Variants in GALNT5 observed in about 807,000 individuals in gnomAD.
GALNT5 encodes UDP-GalNAc:polypeptide N-acetylgalactosaminyltransferase 5.
A neutral mutation model predicts 85.4 loss-of-function variants in GALNT5; 72 were observed. That is an observed-to-expected ratio of 0.84 (90% confidence interval 0.70 to 1.03). The LOEUF is 1.03. Among genes scored for constraint, GALNT5 ranks in the 50% least tolerant of loss-of-function variants. The probability of loss-of-function intolerance (pLI) is 0.00; values close to 1 mark genes in which losing one functional copy is unlikely to be tolerated. For missense variants in GALNT5, 1,137 were observed against 1,135.5 expected (o/e 1.00, Z -0.02); for synonymous variants, 404 against 397.0 (o/e 1.02, Z -0.21).
intron 7 of GALNT5, among the ~76,000 whole-genome samples, chr2:157,301,308 A>G (rs1683337449): frequency 6.6e-6 from 1 of 152,208 alleles, no homozygotes; most frequent in African/African-American, 2.4e-5. Context: ...ATTTGGGTAG[A>G]GAAGAAAGAT....
chr2:157,290,031 C>T (rs950681787), intron 3 of GALNT5, among the ~76,000 whole-genome samples: 1 of 149,834 alleles, frequency 6.7e-6, no homozygotes, highest in African/African-American at 2.5e-5. Context: ...CAAGATCACA[C>T]CACTGCACTC....
chr2:157,305,173 G>A (rs897515830), intron 7 of GALNT5, among the ~76,000 whole-genome samples: 9 of 152,266 alleles, frequency 5.9e-5, no homozygotes, highest in Middle Eastern at 3.4e-3. Context: ...AAACCTGGGG[G>A]CCTGCCAGAA....
At chr2:157,270,469 G>T (rs941735529) in intron 1 of GALNT5, among the ~76,000 whole-genome samples, 6 of 152,114 alleles carry the variant, frequency 3.9e-5, no homozygotes. Context: ...TACATTAACA[G>T]ATAACCCTTC....
Position 157,284,382 on chromosome 2 carries a change from G to A in GALNT5, c.1555G>A (p.Val519Ile). Residue 519 changes from valine to isoleucine, a missense_variant, in exon 2 of 10, where the codon GTC becomes ATC. Coordinates refer to ENST00000259056, the MANE Select transcript of GALNT5 (RefSeq NM_014568.3). ...WSTLLRSVHS[V>I]INRSPPHLIK... Reference sequence around the variant, plus strand: ...CACTCTCCTGAGATCTGTTCACAGTGTCATCAATCGCTCTCCTCCACACCT... The same window carrying A: ...CACTCTCCTGAGATCTGTTCACAGTATCATCAATCGCTCTCCTCCACACCT... 6.2e-7 allele frequency: 1 copy of A among 1,613,880 alleles called. No individual in the cohort carries two copies. Among genetic ancestry groups the A allele is most frequent in the Non-Finnish European group, 8.5e-7 (1 of 1,179,780 alleles).
chr2:157,278,628 A>T (rs1682789990), intron 1 of GALNT5, among the ~76,000 whole-genome samples: 1 of 152,236 alleles, frequency 6.6e-6, no homozygotes, highest in Non-Finnish European at 1.5e-5. Flanking sequence ...TTGTGCATGC[A>T]TCACGAAGTT....
intron 1 of GALNT5, among the ~76,000 whole-genome samples, chr2:157,267,079 C>T (rs921413060): frequency 1.3e-5 from 2 of 151,984 alleles, no homozygotes; most frequent in South Asian, 2.1e-4. Context: ...AATGTGATGC[C>T]GAAACACAGG....
chr2:157,262,761 G>A (rs930583794), intron 1 of GALNT5, among the ~76,000 whole-genome samples: 5 of 144,822 alleles, frequency 3.5e-5, no homozygotes, highest in South Asian at 2.2e-4. Flanking sequence ...TTTTCACTCC[G>A]TTTTCTCTGG....
chr2:157,290,341 C>T (rs1176743644), intron 3 of GALNT5, among the ~76,000 whole-genome samples: 1 of 151,972 alleles, frequency 6.6e-6, no homozygotes, highest in Non-Finnish European at 1.5e-5. Context: ...AAAGGTTTGT[C>T]TCGATGTATC....
rs1683616322 is a variant in GALNT5, at chr2:157,313,270, T to C, written c.*1922T>C. 6.6e-6 allele frequency: 1 copy of C among 152,210 alleles called. No homozygotes were observed. The highest frequency in any genetic ancestry group is 2.4e-5 in the African/African-American group (1 of 41,448). The allele number at this position is 152,210 out of a possible 1,614,324, so 9.4% of individuals were successfully genotyped here. A position where few individuals can be genotyped will look rare whatever the true frequency, so the allele number is the denominator to read the frequency against. On this transcript the variant is annotated 3_prime_UTR_variant, in exon 10 of 10. Coordinates refer to ENST00000259056, the MANE Select transcript of GALNT5 (RefSeq NM_014568.3). ...TGTTACAATAGCCTACAGTGTTCAA[T>C]ACAGTAACATGCACAAGTTTGTAAC... is the stretch of plus-strand genomic sequence containing the variant.
chr2:157,305,900 A>G (rs746410929), intron 8 of GALNT5, 71 bp downstream of exon 8: 43 of 832,204 alleles, frequency 5.2e-5, no homozygotes, highest in Non-Finnish European at 8.0e-5. Flanking sequence ...TGCTCAACTG[A>G]GAAATTCATC....
chr2:157,286,158 T>C, intron 3 of GALNT5, 24 bp downstream of exon 3: 2 of 1,589,388 alleles, frequency 1.3e-6, no homozygotes, highest in Non-Finnish European at 1.7e-6. Context: ...CATTTTTTTG[T>C]TTGTTACATT....
chr2:157,296,440 A>C lies in GALNT5; in HGVS notation c.1924A>C (p.Met642Leu), dbSNP rs1471405635. Reference sequence around the variant, plus strand: ...TCAAAGAGGCATCTTTGTGTGGCCCATGAACTTTGGTTGGAGAACAATTCC... The same window carrying C: ...TCAAAGAGGCATCTTTGTGTGGCCCCTGAACTTTGGTTGGAGAACAATTCC... ...NFQRGIFVWP[M>L]NFGWRTIPPD... The change falls in exon 5 of 10, where the codon ATG becomes CTG. Residue 642 changes from methionine to leucine, a missense_variant. Coordinates refer to ENST00000259056, the MANE Select transcript of GALNT5 (RefSeq NM_014568.3). 1.9e-6 allele frequency: 3 copies of C among 1,609,506 alleles called. No homozygotes were observed. The highest frequency in any genetic ancestry group is 2.6e-6 in the Non-Finnish European group (3 of 1,175,926).
In GALNT5 at chr2:157,258,744, G is replaced by C; in HGVS notation, c.662G>C (p.Ser221Thr). 1 of 1,613,692 alleles carries C rather than the reference G, an allele frequency of 6.2e-7. No homozygotes were observed. The highest frequency in any genetic ancestry group is 8.5e-7 in the Non-Finnish European group (1 of 1,179,748). ...GAAAGGGACTTGAATGTGACCATCA[G>C]TCTTAGTACTGATAGACCAAAGCAG... is the stretch of plus-strand genomic sequence containing the variant. ...AAERDLNVTI[S>T]LSTDRPKQRS... The change falls in exon 1 of 10, where the codon AGT becomes ACT. Residue 221 changes from serine to threonine, a missense_variant. Physicochemically the swap from Ser to Thr is moderately conservative, Grantham distance 58 (BLOSUM62 1). Transcript: ENST00000259056.
In GALNT5 at chr2:157,258,272, G is replaced by A. The variant is rs759556795; in HGVS notation, c.190G>A (p.Gly64Arg). ...RIGFRVQPDQ[G>R]KIFYSSIKEM... Reference sequence around the variant, plus strand: ...AGGATTCAGAGTTCAGCCAGACCAAGGAAAAATTTTTTACAGCAGCATAAA... The same window carrying A: ...AGGATTCAGAGTTCAGCCAGACCAAAGAAAAATTTTTTACAGCAGCATAAA... The change falls in exon 1 of 10, where the codon GGA (glycine) becomes AGA (arginine). Residue 64 changes from glycine (G) to arginine (R), a missense_variant. Gly to Arg is a moderately radical substitution (Grantham distance 125, BLOSUM62 -2). Transcript: ENST00000259056. 3.1e-6 allele frequency: 5 copies of A among 1,602,488 alleles called. No individual in the cohort carries two copies. The highest frequency in any genetic ancestry group is 3.4e-6 in the Non-Finnish European group (4 of 1,175,908).
intron 3 of GALNT5, among the ~76,000 whole-genome samples, chr2:157,295,122 T>C (rs993471974): frequency 1.3e-5 from 2 of 151,750 alleles, no homozygotes; most frequent in African/African-American, 4.9e-5. Context: ...CTTGCAAAAA[T>C]AAAACTCCAT....
In GALNT5 at chr2:157,259,389, A is replaced by G. The variant is rs1239572808; in HGVS notation, c.1307A>G (p.Lys436Arg). 6.6e-7 allele frequency: 1 copy of G among 1,510,610 alleles called. No homozygotes were observed. The allele number at this position is 1,510,610 out of a possible 1,614,324, so 93.6% of individuals were successfully genotyped here. A position where few individuals can be genotyped will look rare whatever the true frequency, so the allele number is the denominator to read the frequency against. Residue 436 changes from lysine to arginine, a missense_variant, in exon 1 of 10, where the codon AAA becomes AGA. Transcript: ENST00000259056. ...IDVTLSPRDP[K>R]APGQFGRPVV... ...GTGACACTTTCTCCAAGGGACCCCA[A>G]AGCTCCAGGGCAGTTTGGGCGTCCT... is the stretch of plus-strand genomic sequence containing the variant.
rs1463810975 is a variant in GALNT5 at position 157,315,657 on chromosome 2, T to C, written c.*4309T>C. Among the ~76,000 whole-genome samples, 1 of 152,192 alleles carries C rather than the reference T, an allele frequency of 6.6e-6. No homozygotes were observed. Among genetic ancestry groups the C allele is most frequent in the Non-Finnish European group, 1.5e-5 (1 of 68,030 alleles). On this transcript the variant is annotated 3_prime_UTR_variant, in exon 10 of 10. Coordinates refer to ENST00000259056, the MANE Select transcript of GALNT5 (RefSeq NM_014568.3). ...ACATGTTTTGCTGTGATCTATCTCT[T>C]TGACTTCATGCAGAACCTATTCTTT...
intron 7 of GALNT5, 130 bp from the exon 8 acceptor site, chr2:157,305,619 G>T (rs13414809): frequency 1.6e-6 from 1 of 616,868 alleles, no homozygotes; most frequent in Non-Finnish European, 2.9e-6. Context: ...ACTGGATAGT[G>T]CTAAGTAATG....
chr2:157,280,818 C>G (rs1682839564), intron 1 of GALNT5, among the ~76,000 whole-genome samples: 1 of 151,974 alleles, frequency 6.6e-6, no homozygotes, highest in African/African-American at 2.4e-5. Flanking sequence ...TGTGTGTTCT[C>G]CCTCAGTTCA....
Sources: gnomAD v4.1 joint callset for allele counts (sites outside exome capture counted in the v4.1 genomes callset) on GRCh38, gnomAD v4.1.1 for gene constraint, MANE v1.5 for transcripts, NCBI Gene and HGNC (gene_info 2026-07-23, HGNC 2026-07-21) for gene names.